The following TENM3 variants were observed in gnomAD, a reference collection of about 807,000 sequenced individuals.
TENM3 encodes the protein teneurin-3.
TENM3 carries 63 observed loss-of-function variants against 255.1 expected under a neutral mutation model. The observed-to-expected ratio is 0.25, with a 90% CI of 0.20 to 0.30. The LOEUF (loss-of-function observed/expected upper bound fraction) is 0.30, where lower values mean the gene tolerates loss of function less well. Ranked by LOEUF, TENM3 falls within the 10% of genes least tolerant of loss-of-function variation. The pLI is 1.00. For synonymous variants in TENM3, 1,306 were observed against 1,322.3 expected, an observed-to-expected ratio of 0.99 and a Z score of 0.27; for missense variants, 2,929 against 3,461.1, an observed-to-expected ratio of 0.85 and a Z score of 3.86.
At chr4:182,277,598 C>T (rs1297358708) in intron 1 of TENM3, among the ~76,000 whole-genome samples, 1 of 152,144 alleles carries the variant, frequency 6.6e-6, no homozygotes, top group Admixed American at 6.5e-5. Context: ...GCCCTTCTGG[C>T]TGTGTTGTTA....
the TENM3 span, among the ~76,000 whole-genome samples, chr4:181,709,637 CT>C: frequency 6.6e-6 from 1 of 152,236 alleles, no homozygotes; most frequent in South Asian, 2.1e-4. Flanking sequence ...AGGGTGGCCC[CT>C]GGCCAGATCA....
chr4:182,432,849 G>GGT (rs70956512), intron 3 of TENM3, among the ~76,000 whole-genome samples: 8 of 142,974 alleles, frequency 5.6e-5, no homozygotes, highest in Non-Finnish European at 3.1e-5. Context: ...AATGGATTTG[G>GGT]GTGTGTGTGT....
At chr4:182,437,797 A>G (rs1212844278) in intron 3 of TENM3, among the ~76,000 whole-genome samples, 2 of 46,420 alleles carry the variant, frequency 4.3e-5, no homozygotes, top group Admixed American at 1.5e-4. Flanking sequence ...GACTCCGTCT[A>G]AAAAAAAAAA....
At chr4:182,172,087 T>C (rs1752147674) in intron 1 of TENM3, among the ~76,000 whole-genome samples, 1 of 130,546 alleles carries the variant, frequency 7.7e-6, no homozygotes, top group South Asian at 2.5e-4. Flanking sequence ...AAATTGGCTT[T>C]TGTAGTACAC....
intron 3 of TENM3, among the ~76,000 whole-genome samples, chr4:182,478,337 G>A (rs1442752105): frequency 6.6e-6 from 1 of 151,914 alleles, no homozygotes; most frequent in Non-Finnish European, 1.5e-5. Flanking sequence ...TAGTGCCATT[G>A]TAGTGCCAGT....
At chr4:181,608,731 C>T in the TENM3 span, among the ~76,000 whole-genome samples, 1 of 152,276 alleles carries the variant, frequency 6.6e-6, no homozygotes, top group East Asian at 1.9e-4. Flanking sequence ...GCGTATGAAG[C>T]TGTGTCAAGG....
intron 22 of TENM3, among the ~76,000 whole-genome samples, chr4:182,767,780 T>C (rs928194295): frequency 5.9e-5 from 9 of 152,200 alleles, no homozygotes; most frequent in Non-Finnish European, 1.3e-4. Flanking sequence ...AAAAGCAGGC[T>C]AGCTCTGGGA....
chr4:182,622,698 A>G (rs912218109), intron 4 of TENM3, among the ~76,000 whole-genome samples: 1 of 152,148 alleles, frequency 6.6e-6, no homozygotes, highest in African/African-American at 2.4e-5. Context: ...TCATTCCTTT[A>G]TTAGCTGTGG....
chr4:181,924,164 C>A, the TENM3 span, among the ~76,000 whole-genome samples: 1 of 152,092 alleles, frequency 6.6e-6, no homozygotes, highest in Admixed American at 6.5e-5. Context: ...GCTTTAAAAC[C>A]AATGGATTCC....
At chr4:182,086,446 G>A in the TENM3 span, among the ~76,000 whole-genome samples, 6 of 152,296 alleles carry the variant, frequency 3.9e-5, no homozygotes, top group South Asian at 2.1e-4. Flanking sequence ...TTCTTGCCAC[G>A]TGTATCTGCT....
intron 25 of TENM3, among the ~76,000 whole-genome samples, chr4:182,791,806 C>G (rs532188802): frequency 6.6e-6 from 1 of 152,226 alleles, no homozygotes; most frequent in South Asian, 2.1e-4. Flanking sequence ...TGCCCCTCCC[C>G]CAAGTACACT....
intron 3 of TENM3, among the ~76,000 whole-genome samples, chr4:182,447,906 C>G (rs997553054): frequency 1.3e-5 from 2 of 152,100 alleles, no homozygotes; most frequent in Middle Eastern, 3.2e-3. Context: ...GGACGTTGGA[C>G]TGGAAGCAAT....
chr4:182,002,383 C>T, the TENM3 span, among the ~76,000 whole-genome samples: 1 of 151,986 alleles, frequency 6.6e-6, no homozygotes, highest in Non-Finnish European at 1.5e-5. Flanking sequence ...CTTGTGGCTC[C>T]TTGCACCTTC....
chr4:182,356,101 C>G (rs951992396), intron 3 of TENM3, among the ~76,000 whole-genome samples: 1 of 151,708 alleles, frequency 6.6e-6, no homozygotes, highest in African/African-American at 2.4e-5. Context: ...AGATGAAGCA[C>G]CAATAAAAGA....
chr4:182,265,841 G>A (rs1406534785), intron 1 of TENM3, among the ~76,000 whole-genome samples: 4 of 152,178 alleles, frequency 2.6e-5, no homozygotes, highest in Admixed American at 2.6e-4. Flanking sequence ...TTTGGTTCAT[G>A]TAACTTTAGT....
chr4:181,543,512 T>C, the TENM3 span, among the ~76,000 whole-genome samples: 1 of 152,202 alleles, frequency 6.6e-6, no homozygotes, highest in African/African-American at 2.4e-5. Context: ...CTGAAGGTAT[T>C]TTTTCCGCGT....
At chr4:181,947,699 GCTC>G in the TENM3 span, among the ~76,000 whole-genome samples, 1 of 151,904 alleles carries the variant, frequency 6.6e-6, no homozygotes, top group Non-Finnish European at 1.5e-5. Context: ...GAAAGTCTTT[GCTC>G]CTCAAGTTCT....
intron 1 of TENM3, among the ~76,000 whole-genome samples, chr4:182,146,257 G>A (rs1406014743): frequency 6.6e-6 from 1 of 151,962 alleles, no homozygotes; most frequent in African/African-American, 2.4e-5. Flanking sequence ...CTAAAACTTC[G>A]AGCATGTATA....
the TENM3 span, among the ~76,000 whole-genome samples, chr4:181,840,215 C>CATTTAATATAATGTTATAAATA: frequency 2.0e-5 from 3 of 152,016 alleles, no homozygotes; most frequent in South Asian, 6.2e-4. Flanking sequence ...TTCTTTATTA[C>CATTTAATATAATGTTATAAATA]ACATTTATAT....
Sources: gnomAD v4.1 joint callset for allele counts (sites outside exome capture counted in the v4.1 genomes callset) on GRCh38, gnomAD v4.1.1 for gene constraint, MANE v1.5 for transcripts, NCBI Gene and HGNC (gene_info 2026-07-23, HGNC 2026-07-21) for gene names.